IQGAP1: variants seen among roughly 807,000 people sequenced by gnomAD.
The protein encoded by IQGAP1 is IQ motif containing GTPase activating protein 1, also known as ras GTPase-activating-like protein IQGAP1.
A neutral mutation model predicts 215.6 loss-of-function variants in IQGAP1; 66 were observed. The ratio of observed to expected loss-of-function variants is 0.31; its 90% CI spans 0.25 to 0.38. The LOEUF (loss-of-function observed/expected upper bound fraction) is 0.38. Ranked by LOEUF, IQGAP1 falls within the 10% of genes least tolerant of loss-of-function variation. IQGAP1 has a pLI of 1.00. For missense variants in IQGAP1, 1,712 were observed against 1,997.1 expected, an observed-to-expected ratio of 0.86 and a Z score of 2.72; for synonymous variants, 772 against 728.7, an observed-to-expected ratio of 1.06 and a Z score of -0.96.
At chr15:90,455,531 A>G (rs1965666281) in intron 14 of IQGAP1, among the ~76,000 whole-genome samples, 1 of 152,206 alleles carries the variant, frequency 6.6e-6, no homozygotes, top group Non-Finnish European at 1.5e-5. Context: ...ACTTTTTATT[A>G]TACAGCAGAG....
intron 14 of IQGAP1, among the ~76,000 whole-genome samples, chr15:90,455,392 A>G (rs1965664634): frequency 6.6e-6 from 1 of 152,172 alleles, no homozygotes; most frequent in South Asian, 2.1e-4. Context: ...CATGAGGCCA[A>G]CCAGGAGTCA....
chr15:90,476,074 G>A (rs1020233804), intron 23 of IQGAP1, among the ~76,000 whole-genome samples: 2 of 151,828 alleles, frequency 1.3e-5, no homozygotes, highest in African/African-American at 2.4e-5. Flanking sequence ...TAGCTAGGAC[G>A]ACAGGTGCAT....
intron 37 of IQGAP1, among the ~76,000 whole-genome samples, chr15:90,498,733 C>A (rs1966304320): frequency 6.6e-6 from 1 of 152,094 alleles, no homozygotes; most frequent in Non-Finnish European, 1.5e-5. Context: ...CTGCAACCTC[C>A]ACCTCGTGGG....
rs760698031 is a variant in IQGAP1 at position 90,426,284 on chromosome 15, T to C, written c.312+18T>C. On this transcript the variant is annotated intron_variant, in intron 3 of 37. Transcript: ENST00000268182. Reference sequence around the variant, plus strand: ...GATACAAGGTGAGTCCTTCCTTGCTTTGTGCTTAGATTTCTGTCAACTTGA... The same window carrying C: ...GATACAAGGTGAGTCCTTCCTTGCTCTGTGCTTAGATTTCTGTCAACTTGA... The C allele has an allele frequency of 6.4e-7, 1 of 1,574,126 alleles. No individual in the cohort carries two copies. Among genetic ancestry groups the C allele is most frequent in the Non-Finnish European group, 8.6e-7 (1 of 1,168,624 alleles).
chr15:90,456,713 T>TAA (rs59435003), intron 15 of IQGAP1, among the ~76,000 whole-genome samples: 23,226 of 127,680 alleles, frequency 0.18, 2,169 homozygotes, highest in Middle Eastern at 0.23. Flanking sequence ...TCATCTCTAC[T>TAA]AAAAAAAAAA....
intron 2 of IQGAP1, among the ~76,000 whole-genome samples, chr15:90,399,098 G>A (rs1026249953): frequency 3.3e-5 from 5 of 150,482 alleles, no homozygotes; most frequent in African/African-American, 1.2e-4. Context: ...TGGGACTATA[G>A]GCCCACTTCA....
intron 3 of IQGAP1, among the ~76,000 whole-genome samples, chr15:90,427,488 C>T (rs953820962): frequency 2.0e-5 from 3 of 152,062 alleles, no homozygotes; most frequent in African/African-American, 7.2e-5. Context: ...GCCTGTAATC[C>T]CAGCACTTTG....
intron 24 of IQGAP1, 107 bp from the exon 25 acceptor site, chr15:90,476,960 A>G: frequency 7.4e-7 from 1 of 1,346,182 alleles, no homozygotes. Context: ...TTAATTTATT[A>G]ATCTTTTTTC....
At chr15:90,420,724 A>G (rs942694971) in intron 2 of IQGAP1, among the ~76,000 whole-genome samples, 3 of 152,206 alleles carry the variant, frequency 2.0e-5, no homozygotes, top group Admixed American at 1.3e-4. Context: ...TCTTTTGTGC[A>G]TAGATTGATT....
At chr15:90,416,708 G>A (rs1298481636) in intron 2 of IQGAP1, among the ~76,000 whole-genome samples, 4 of 151,948 alleles carry the variant, frequency 2.6e-5, no homozygotes, top group Non-Finnish European at 5.9e-5. Flanking sequence ...CTCCCGAGTA[G>A]CTGGGATTAC....
chr15:90,389,300 G>A (rs1192086347), intron 1 of IQGAP1, among the ~76,000 whole-genome samples: 1 of 151,364 alleles, frequency 6.6e-6, no homozygotes, highest in Non-Finnish European at 1.5e-5. Flanking sequence ...TGTAGGTAAG[G>A]AGAAGGGGCC....
chr15:90,462,134 C>T (rs1671071795), intron 15 of IQGAP1, among the ~76,000 whole-genome samples: 1 of 152,140 alleles, frequency 6.6e-6, no homozygotes, highest in African/African-American at 2.4e-5. Flanking sequence ...GGCCACTGCA[C>T]TCCAGTCTGG....
intron 2 of IQGAP1, among the ~76,000 whole-genome samples, chr15:90,398,410 T>C (rs1964757262): frequency 6.6e-6 from 1 of 152,130 alleles, no homozygotes; most frequent in Non-Finnish European, 1.5e-5. Context: ...CTGTACTATA[T>C]ATTTAAAATG....
At chr15:90,483,223 A>G in intron 28 of IQGAP1, 138 bp from the exon 29 acceptor site, 1 of 626,652 alleles carries the variant, frequency 1.6e-6, no homozygotes, top group African/African-American at 1.8e-5. Flanking sequence ...ATGTGCATGC[A>G]TGCGTGTGTA....
intron 2 of IQGAP1, among the ~76,000 whole-genome samples, chr15:90,414,637 C>T (rs548746250): frequency 6.5e-4 from 99 of 152,266 alleles, no homozygotes; most frequent in African/African-American, 2.3e-3. Flanking sequence ...TTGTCTCTTT[C>T]ACCTCTTAAG....
At chr15:90,407,791 C>T (rs762429116) in intron 2 of IQGAP1, among the ~76,000 whole-genome samples, 3 of 152,080 alleles carry the variant, frequency 2.0e-5, no homozygotes, top group African/African-American at 4.8e-5. Flanking sequence ...AAGTAAAACA[C>T]GTTTTTAGCT....
At chr15:90,483,653 GA>G in intron 29 of IQGAP1, 60 bp downstream of exon 29, 1 of 1,233,194 alleles carries the variant, frequency 8.1e-7, no homozygotes, top group Non-Finnish European at 1.2e-6. Context: ...TTGTTGAGGG[GA>G]AAAATAAGAT....
intron 23 of IQGAP1, 99 bp from the exon 24 acceptor site, chr15:90,476,564 A>C (rs764222260): frequency 2.4e-5 from 20 of 825,142 alleles, no homozygotes; most frequent in Non-Finnish European, 3.0e-5. Context: ...AGTGCAGTAC[A>C]CCTTCATGTG....
At chr15:90,493,102 G>A (rs1966228298) in intron 35 of IQGAP1, among the ~76,000 whole-genome samples, 1 of 152,084 alleles carries the variant, frequency 6.6e-6, no homozygotes, top group African/African-American at 2.4e-5. Flanking sequence ...AATTAGCTGG[G>A]TGTGGTGGCA....
Sources: allele counts gnomAD v4.1 joint callset (sites outside exome capture counted in the v4.1 genomes callset), GRCh38; gene constraint gnomAD v4.1.1; transcripts MANE v1.5; gene names NCBI Gene and HGNC (gene_info 2026-07-23, HGNC 2026-07-21).